Variants in PCDH15 observed in about 807,000 individuals in gnomAD.
PCDH15 encodes protocadherin-15.
PCDH15 carries 129 observed loss-of-function variants against 178.5 expected under a neutral mutation model. The ratio of observed to expected loss-of-function variants is 0.72; its 90% CI spans 0.63 to 0.84. The LOEUF (loss-of-function observed/expected upper bound fraction) is 0.84. PCDH15 is among the 40% of genes least tolerant of loss of function. PCDH15 has a pLI of 0.00. For missense variants in PCDH15, 2,230 were observed against 2,099.9 expected (o/e 1.06, Z -1.21); for synonymous variants, 800 against 732.0 (o/e 1.09, Z -1.50).
chr10:55,490,943 C>A (rs906389926), intron 2 of PCDH15, among the ~76,000 whole-genome samples: 1 of 151,718 alleles, frequency 6.6e-6, no homozygotes, highest in African/African-American at 2.4e-5. Context: ...ATTACAAGAA[C>A]AATTATTGAT....
Position 54,066,799 on chromosome 10 carries a change from A to C in PCDH15, c.2178T>G (p.Ser726=), listed in dbSNP as rs899787874. Residue 726 remains serine (S), a synonymous_variant, in exon 18 of 38, where the codon TCT becomes TCG. Transcript: ENST00000644397. The part of the protein sequence containing the change: ...VFDPYLPRNL[S]VVEEEANAFV... ...AGGCATTGGCTTCTTCTTCCACCAC[A>C]GATAAATTTCTTGGCAGATAAGGAT... The C allele has an allele frequency of 6.2e-7, 1 of 1,613,504 alleles. No individual in the cohort carries two copies. Among genetic ancestry groups the C allele is most frequent in the African/African-American group, 1.3e-5 (1 of 75,030 alleles).
rs929809259 is a variant in PCDH15, at chr10:54,198,688, A to G, written c.1099-2799T>C. On this transcript the variant is annotated intron_variant, in intron 10 of 37. Coordinates refer to ENST00000644397, the MANE Select transcript of PCDH15 (RefSeq NM_001384140.1). ...GGCTAATTTTTTGTATTTTTAGTAG[A>G]GACGGGGTTTCACCGTTTTAGCCGG... 1.5e-4 allele frequency among the ~76,000 whole-genome samples: 15 copies of G among 98,846 alleles called. 3 individuals carry two copies. The highest frequency in any genetic ancestry group is 4.6e-4 in the African/African-American group (6 of 13,132). The allele number at this position is 98,846 out of a possible 152,430, so 64.8% of individuals were successfully genotyped here.
At chr10:54,763,035 A>T (rs1282863621) in intron 1 of PCDH15, among the ~76,000 whole-genome samples, 2 of 152,186 alleles carry the variant, frequency 1.3e-5, no homozygotes, top group African/African-American at 4.8e-5. Context: ...TCATGATTAG[A>T]TATTCAGCTA....
intron 17 of PCDH15, among the ~76,000 whole-genome samples, chr10:54,076,379 A>T (rs1411941029): frequency 6.6e-6 from 1 of 152,162 alleles, no homozygotes. Context: ...GTATGGAATC[A>T]TTAAAGTTTT....
At chr10:54,554,989 A>C (rs543004137) in intron 2 of PCDH15, among the ~76,000 whole-genome samples, 1 of 152,172 alleles carries the variant, frequency 6.6e-6, no homozygotes, top group Admixed American at 6.5e-5. Context: ...CAGAAAGGAC[A>C]TTGGAAAAAG....
chr10:55,019,148 A>C (rs138058087), intron 2 of PCDH15, among the ~76,000 whole-genome samples: 1 of 152,256 alleles, frequency 6.6e-6, no homozygotes, highest in East Asian at 1.9e-4. Context: ...GAGATTTTAA[A>C]GTTCTAGATG....
At chr10:55,607,479 C>G (rs1843249726) in intron 2 of PCDH15, among the ~76,000 whole-genome samples, 5 of 125,474 alleles carry the variant, frequency 4.0e-5, no homozygotes, top group Non-Finnish European at 5.0e-5. Context: ...TTCACAATAG[C>G]AAAGACTTGG....
intron 17 of PCDH15, among the ~76,000 whole-genome samples, chr10:54,075,204 C>T: frequency 6.6e-6 from 1 of 151,892 alleles, no homozygotes; most frequent in East Asian, 1.9e-4. Flanking sequence ...AGTGAAACCC[C>T]ATCTCTCCTA....
At chr10:53,983,232 TTGTG>T (rs753844738) in intron 21 of PCDH15, among the ~76,000 whole-genome samples, 6 of 149,144 alleles carry the variant, frequency 4.0e-5, no homozygotes, top group Admixed American at 1.3e-4. Flanking sequence ...GTGTGTGTGT[TTGTG>T]TGTGTGTGTG....
intron 17 of PCDH15, among the ~76,000 whole-genome samples, chr10:54,072,327 T>C (rs1217898460): frequency 1.3e-5 from 2 of 152,298 alleles, no homozygotes; most frequent in East Asian, 3.9e-4. Flanking sequence ...GCGCAAGTCA[T>C]CTTGTTGCTA....
At chr10:55,484,516 G>T (rs75261469) in intron 2 of PCDH15, among the ~76,000 whole-genome samples, 6,928 of 151,506 alleles carry the variant, frequency 0.046, 407 homozygotes, top group East Asian at 0.29. Flanking sequence ...AAAATACCAA[G>T]ACATTATTCA....
chr10:54,095,514 CT>C (rs1404459964), intron 15 of PCDH15, among the ~76,000 whole-genome samples: 1 of 151,742 alleles, frequency 6.6e-6, no homozygotes, highest in Non-Finnish European at 1.5e-5. Flanking sequence ...TATAAATATG[CT>C]CAAAAATAAA....
At chr10:55,529,328 C>T (rs940307399) in intron 2 of PCDH15, among the ~76,000 whole-genome samples, 1 of 151,984 alleles carries the variant, frequency 6.6e-6, no homozygotes, top group Non-Finnish European at 1.5e-5. Flanking sequence ...ATGGTATTGC[C>T]TAGGCTTTCT....
chr10:54,864,909 A>G (rs1004088120), intron 3 of PCDH15: 1 of 152,144 alleles, frequency 6.6e-6, no homozygotes, highest in African/African-American at 2.4e-5. Context: ...AATCAATTCA[A>G]TAAGTTTAGC....
At chr10:54,412,148 G>T (rs1266984785) in intron 3 of PCDH15, among the ~76,000 whole-genome samples, 1 of 151,786 alleles carries the variant, frequency 6.6e-6, no homozygotes, top group Non-Finnish European at 1.5e-5. Flanking sequence ...ACAATAGATG[G>T]AGGTCAGTAA....
At chr10:55,374,388 T>G (rs1295639251) in intron 2 of PCDH15, among the ~76,000 whole-genome samples, 1 of 152,132 alleles carries the variant, frequency 6.6e-6, no homozygotes, top group Non-Finnish European at 1.5e-5. Flanking sequence ...TTTCTCTATG[T>G]GTGTAAAGCT....
At chr10:54,136,174 G>A (rs2042883828) in intron 14 of PCDH15, among the ~76,000 whole-genome samples, 1 of 152,074 alleles carries the variant, frequency 6.6e-6, no homozygotes, top group Non-Finnish European at 1.5e-5. Context: ...TGAGCATGTT[G>A]TATCATAATC....
intron 1 of PCDH15, among the ~76,000 whole-genome samples, chr10:55,184,177 C>T (rs1839732471): frequency 1.3e-5 from 2 of 151,914 alleles, no homozygotes; most frequent in Admixed American, 1.3e-4. Flanking sequence ...TTTATGCATC[C>T]TCAGCTTGTG....
intron 1 of PCDH15, among the ~76,000 whole-genome samples, chr10:54,760,388 A>G (rs950528663): frequency 4.6e-5 from 7 of 152,082 alleles, no homozygotes; most frequent in African/African-American, 1.7e-4. Flanking sequence ...TTTTTTATCA[A>G]TTGCCTCACT....
Sources: gnomAD v4.1 joint callset for allele counts (sites outside exome capture counted in the v4.1 genomes callset) on GRCh38, gnomAD v4.1.1 for gene constraint, MANE v1.5 for transcripts, NCBI Gene and HGNC (gene_info 2026-07-23, HGNC 2026-07-21) for gene names.